Variants in RGS6 observed in about 807,000 individuals in gnomAD.
RGS6 encodes regulator of G-protein signaling 6.
RGS6 carries 30 observed loss-of-function variants against 78.5 expected under a neutral mutation model. The ratio of observed to expected loss-of-function variants is 0.38; its 90% CI spans 0.29 to 0.52. RGS6 has a LOEUF of 0.52. Ranked by LOEUF, RGS6 falls within the 20% of genes least tolerant of loss-of-function variation. The probability of loss-of-function intolerance (pLI) is 0.85; values close to 1 mark genes in which losing one functional copy is unlikely to be tolerated. For synonymous variants in RGS6, 206 were observed against 206.0 expected, an observed-to-expected ratio of 1.00 and a Z score of 0.00; for missense variants, 495 against 609.7, an observed-to-expected ratio of 0.81 and a Z score of 1.98.
the RGS6 span, among the ~76,000 whole-genome samples, chr14:71,908,833 T>A: frequency 1.3e-5 from 2 of 152,190 alleles, no homozygotes; most frequent in Non-Finnish European, 2.9e-5. Context: ...TGATTCCATC[T>A]TGAAGTGAGT....
chr14:72,525,730 A>T (rs563149519), intron 15 of RGS6, among the ~76,000 whole-genome samples: 1 of 152,240 alleles, frequency 6.6e-6, no homozygotes, highest in Non-Finnish European at 1.5e-5. Flanking sequence ...ATTGCGTGCC[A>T]GTATCACAAG....
At chr14:71,886,842 G>A in the RGS6 span, among the ~76,000 whole-genome samples, 1 of 152,170 alleles carries the variant, frequency 6.6e-6, no homozygotes, top group Non-Finnish European at 1.5e-5. Context: ...CCAGAACATA[G>A]TCTCGGGGAC....
rs1555503681 is a variant in RGS6, at chr14:72,138,461, T to TTG, written c.84+173587_84+173588insGT. Among the ~76,000 whole-genome samples, 77 of 150,226 alleles carry TTG rather than the reference T, an allele frequency of 5.1e-4. No individual in the cohort carries two copies. In the East Asian group the frequency reaches 6.8e-3, roughly 13 times the overall value. On this transcript the variant is annotated intron_variant, in intron 2 of 17. Transcript: ENST00000553525. ...TGCACCTGTACCTGTTTTTTTTTTTTTTTTTTTTTTTTTACTTTCTTGGAG... is the reference window on the plus strand; with the variant it reads ...TGCACCTGTACCTGTTTTTTTTTTTTTGTTTTTTTTTTTTTACTTTCTTGGAG...
chr14:72,258,919 T>A (rs113460458), intron 2 of RGS6, among the ~76,000 whole-genome samples: 1,911 of 152,294 alleles, frequency 0.013, 14 homozygotes, highest in South Asian at 0.024. Flanking sequence ...CAAATTTGCT[T>A]CTGTGCCCTC....
At chr14:72,228,011 G>A (rs892409664) in intron 2 of RGS6, among the ~76,000 whole-genome samples, 1 of 152,192 alleles carries the variant, frequency 6.6e-6, no homozygotes, top group Admixed American at 6.5e-5. Flanking sequence ...ACTGAATCTT[G>A]ATGAATAAGT....
chr14:72,291,050 C>T (rs983858762), intron 2 of RGS6, among the ~76,000 whole-genome samples: 4 of 151,944 alleles, frequency 2.6e-5, no homozygotes, highest in Non-Finnish European at 5.9e-5. Context: ...TGCCTGTGCT[C>T]CAGTTCACAC....
At chr14:72,010,168 A>G (rs1174818422) in intron 2 of RGS6, among the ~76,000 whole-genome samples, 1 of 152,176 alleles carries the variant, frequency 6.6e-6, no homozygotes, top group African/African-American at 2.4e-5. Flanking sequence ...TATTCTTACT[A>G]TTGAAATAAA....
chr14:72,335,602 C>T (rs2152624931), intron 2 of RGS6, among the ~76,000 whole-genome samples: 1 of 152,196 alleles, frequency 6.6e-6, no homozygotes. Context: ...AGAACAAGCA[C>T]ACTGTTTTTA....
chr14:72,537,704 T>C (rs1284340497), intron 16 of RGS6: 5 of 609,062 alleles, frequency 8.2e-6, no homozygotes, highest in Non-Finnish European at 1.5e-5. Flanking sequence ...CCAGATCTCA[T>C]GGATGAAGGT....
At chr14:72,455,253 CTTGA>C (rs570915166) in intron 4 of RGS6, among the ~76,000 whole-genome samples, 383 of 152,286 alleles carry the variant, frequency 2.5e-3, no homozygotes, top group African/African-American at 8.2e-3. Flanking sequence ...ACTCCTTTGC[CTTGA>C]TTAACTGAGT....
At chr14:72,162,513 A>T (rs2096866787) in intron 2 of RGS6, among the ~76,000 whole-genome samples, 1 of 152,200 alleles carries the variant, frequency 6.6e-6, no homozygotes, top group African/African-American at 2.4e-5. Context: ...AGGCCAGTCC[A>T]GGAGATGGTC....
At chr14:72,272,730 T>C (rs2060124501) in intron 2 of RGS6, among the ~76,000 whole-genome samples, 1 of 152,228 alleles carries the variant, frequency 6.6e-6, no homozygotes, top group African/African-American at 2.4e-5. Context: ...TTGGAAATTA[T>C]GCCAAAAGAG....
intron 2 of RGS6, among the ~76,000 whole-genome samples, chr14:72,060,605 G>A (rs990470038): frequency 4.6e-5 from 7 of 152,250 alleles, no homozygotes; most frequent in Non-Finnish European, 8.8e-5. Flanking sequence ...TGAGGTCAGA[G>A]CCAGTTTTTA....
intron 2 of RGS6, among the ~76,000 whole-genome samples, chr14:72,106,516 G>C (rs1176327306): frequency 6.6e-6 from 1 of 152,136 alleles, no homozygotes; most frequent in Non-Finnish European, 1.5e-5. Context: ...AGACCTGCCA[G>C]TCACTTCAGA....
At chr14:72,183,457 C>T (rs961262872) in intron 2 of RGS6, among the ~76,000 whole-genome samples, 4 of 152,160 alleles carry the variant, frequency 2.6e-5, no homozygotes, top group African/African-American at 9.7e-5. Context: ...ATCATAATAA[C>T]ATAGGTATAA....
chr14:72,052,877 A>G lies in RGS6; in HGVS notation c.84+88002A>G, dbSNP rs547612402. On this transcript the variant is annotated intron_variant, in intron 2 of 17. Coordinates refer to ENST00000553525, the MANE Select transcript of RGS6 (RefSeq NM_001204424.2). ...TTTCAGACCCCCAGAGGTTCTTCCA[A>G]TGTGTCTAATGTCCAGGACAGTGCA... Among the ~76,000 whole-genome samples, 9 of 151,908 alleles carry G rather than the reference A, an allele frequency of 5.9e-5. No homozygotes were observed. The South Asian group carries it at 1.5e-3, about 25-fold the overall frequency.
the RGS6 span, among the ~76,000 whole-genome samples, chr14:72,618,355 G>A: frequency 6.1e-4 from 93 of 152,198 alleles, 1 homozygote; most frequent in African/African-American, 2.0e-3. Context: ...TCCAGCATTC[G>A]GACACATGAT....
intron 2 of RGS6, among the ~76,000 whole-genome samples, chr14:72,015,729 T>G (rs2086806833): frequency 6.6e-6 from 1 of 152,220 alleles, no homozygotes; most frequent in Non-Finnish European, 1.5e-5. Context: ...CCATATCCTC[T>G]TAGTTATCAG....
At chr14:72,323,800 C>CAAAAAAAAAAAAAAAAAAA in intron 2 of RGS6, among the ~76,000 whole-genome samples, 1 of 16,822 alleles carries the variant, frequency 5.9e-5, no homozygotes, top group Non-Finnish European at 1.1e-4. Context: ...GACTCCATCT[C>CAAAAAAAAAAAAAAAAAAA]AAAAAAAAAA....
Sources: gnomAD v4.1 joint callset for allele counts (sites outside exome capture counted in the v4.1 genomes callset) on GRCh38, gnomAD v4.1.1 for gene constraint, MANE v1.5 for transcripts, NCBI Gene and HGNC (gene_info 2026-07-23, HGNC 2026-07-21) for gene names.